FSTL5: variants seen among roughly 807,000 people sequenced by gnomAD.
The protein encoded by FSTL5 is follistatin like 5, also known as follistatin-related protein 5.
Under a neutral mutation model 89.1 loss-of-function variants are expected in FSTL5, and 62 were observed. That is an observed-to-expected ratio of 0.70 (90% confidence interval 0.57 to 0.86). The LOEUF (loss-of-function observed/expected upper bound fraction) is 0.86, where lower values mean the gene tolerates loss of function less well. Among genes scored for constraint, FSTL5 ranks in the 40% least tolerant of loss-of-function variants. The pLI is 0.00. For missense variants in FSTL5, 1,057 were observed against 1,001.6 expected, an observed-to-expected ratio of 1.06 and a Z score of -0.75; for synonymous variants, 383 against 346.2, an observed-to-expected ratio of 1.11 and a Z score of -1.18.
At chr4:161,392,326 C>T (rs1270854920) in intron 15 of FSTL5, among the ~76,000 whole-genome samples, 1 of 151,732 alleles carries the variant, frequency 6.6e-6, no homozygotes, top group Non-Finnish European at 1.5e-5. Flanking sequence ...CTCCTGGGCT[C>T]AAGGGAATCC....
At chr4:161,885,635 G>T (rs556143109) in intron 4 of FSTL5, among the ~76,000 whole-genome samples, 1 of 152,160 alleles carries the variant, frequency 6.6e-6, no homozygotes, top group South Asian at 2.1e-4. Context: ...TTTTAGTAGA[G>T]ACAGGGTTTC....
intron 1 of FSTL5, among the ~76,000 whole-genome samples, chr4:162,118,179 G>A (rs566946567): frequency 2.7e-4 from 41 of 152,240 alleles, no homozygotes; most frequent in African/African-American, 9.6e-4. Flanking sequence ...CATCTATTGA[G>A]ACACTTTAAC....
At chr4:161,690,134 A>C (rs1460221584) in intron 6 of FSTL5, among the ~76,000 whole-genome samples, 1 of 152,074 alleles carries the variant, frequency 6.6e-6, no homozygotes, top group Non-Finnish European at 1.5e-5. Context: ...AATTCTGTGG[A>C]GTAGAAGCCG....
intron 4 of FSTL5, among the ~76,000 whole-genome samples, chr4:161,880,708 A>G (rs1474199461): frequency 1.3e-5 from 2 of 152,184 alleles, no homozygotes; most frequent in Non-Finnish European, 2.9e-5. Flanking sequence ...ATACCACTCA[A>G]CAATGCAAAG....
chr4:161,927,621 C>G (rs1275507164), intron 3 of FSTL5, among the ~76,000 whole-genome samples: 1 of 151,436 alleles, frequency 6.6e-6, no homozygotes, highest in African/African-American at 2.4e-5. Flanking sequence ...AGTAAATTAT[C>G]TTTTTACAAT....
intron 15 of FSTL5, chr4:161,387,428 G>A (rs1042324179): frequency 3.3e-5 from 5 of 151,876 alleles, no homozygotes; most frequent in Non-Finnish European, 2.9e-5. Context: ...ACCTTATTAT[G>A]AGTATTAAGA....
chr4:161,513,272 G>GGGGGGAGAGAGAGAGAGA (rs1349844190), intron 10 of FSTL5, among the ~76,000 whole-genome samples: 4 of 110,026 alleles, frequency 3.6e-5, no homozygotes, highest in African/African-American at 1.4e-4. Flanking sequence ...ACAAGGAGGG[G>GGGGGGAGAGAGAGAGAGA]GAGAGAGAGA....
At chr4:161,892,258 ATTGGCTTCCCT>A (rs1288994708) in intron 4 of FSTL5, among the ~76,000 whole-genome samples, 5 of 151,938 alleles carry the variant, frequency 3.3e-5, no homozygotes, top group African/African-American at 7.2e-5. Context: ...GCCTGCTTTC[ATTGGCTTCCCT>A]TCTTAGTGAC....
At position 161,759,434 on chromosome 4, in the gene FSTL5, A is replaced by G. The variant is rs1376571468; in HGVS notation, c.704T>C (p.Leu235Pro). 1 of 1,592,808 alleles carries G rather than the reference A, an allele frequency of 6.3e-7. No homozygotes were observed. The highest frequency in any genetic ancestry group is 2.3e-5 in the East Asian group (1 of 43,112). The change falls in exon 6 of 16, where the codon CTT becomes CCT. Residue 235 changes from leucine to proline, a missense_variant. By Grantham distance (98) the Leu-to-Pro change is moderately conservative. This residue lies in a region of FSTL5 where 980 missense variants were observed against 903.2 expected (regional missense o/e 1.08). Transcript: ENST00000306100. ...ACGGAATGCTCTATAAAATTCTTCA[A>G]GAGCCAGGTGCTTGTCAGCATTAAA... ...DDFNADKHLA[L>P]EEFYRAFQVI...
intron 4 of FSTL5, among the ~76,000 whole-genome samples, chr4:161,833,926 G>T (rs1020753298): frequency 6.6e-6 from 1 of 152,098 alleles, no homozygotes; most frequent in Non-Finnish European, 1.5e-5. Flanking sequence ...CTGTCATTAT[G>T]ATGTTAGCTG....
At chr4:162,123,999 T>C (rs1481925737) in intron 1 of FSTL5, among the ~76,000 whole-genome samples, 1 of 152,172 alleles carries the variant, frequency 6.6e-6, no homozygotes, top group East Asian at 1.9e-4. Context: ...AAATTCTTGA[T>C]AATCTGTCAA....
At chr4:161,506,625 T>G (rs1012987808) in intron 11 of FSTL5, among the ~76,000 whole-genome samples, 4 of 152,098 alleles carry the variant, frequency 2.6e-5, no homozygotes, top group African/African-American at 9.7e-5. Flanking sequence ...GAAGCTGTAT[T>G]TTCGTCTGTA....
intron 6 of FSTL5, among the ~76,000 whole-genome samples, chr4:161,749,877 G>C (rs1432999570): frequency 6.6e-6 from 1 of 151,812 alleles, no homozygotes; most frequent in Non-Finnish European, 1.5e-5. Context: ...GGTGTGAGGG[G>C]AGTGAGAGTT....
intron 4 of FSTL5, among the ~76,000 whole-genome samples, chr4:161,886,497 T>C (rs1732812170): frequency 6.6e-6 from 1 of 152,186 alleles, no homozygotes; most frequent in Non-Finnish European, 1.5e-5. Flanking sequence ...TGGAAAGAGC[T>C]CTACATTAGA....
chr4:161,863,955 T>A (rs746741796), intron 4 of FSTL5, among the ~76,000 whole-genome samples: 52 of 152,330 alleles, frequency 3.4e-4, no homozygotes, highest in South Asian at 1.0e-3. Context: ...TTTGTTCTTG[T>A]CATTGTCTAT....
At chr4:161,813,667 T>A (rs1730235453) in intron 4 of FSTL5, among the ~76,000 whole-genome samples, 1 of 152,190 alleles carries the variant, frequency 6.6e-6, no homozygotes, top group Non-Finnish European at 1.5e-5. Flanking sequence ...CTCTAGAAAT[T>A]GACTTCTTTG....
At chr4:161,418,009 A>T (rs1309080158) in intron 15 of FSTL5, among the ~76,000 whole-genome samples, 6 of 152,178 alleles carry the variant, frequency 3.9e-5, no homozygotes, top group Non-Finnish European at 4.4e-5. Flanking sequence ...TGAGAAAAAA[A>T]ATCAATTCCC....
intron 15 of FSTL5, among the ~76,000 whole-genome samples, chr4:161,401,868 C>G (rs1560876868): frequency 6.6e-6 from 1 of 152,106 alleles, no homozygotes; most frequent in Non-Finnish European, 1.5e-5. Flanking sequence ...AAATTGGTTG[C>G]AGTTCACTTG....
chr4:162,106,478 C>A (rs1329234561), intron 2 of FSTL5, among the ~76,000 whole-genome samples: 1 of 152,102 alleles, frequency 6.6e-6, no homozygotes, highest in Admixed American at 6.6e-5. Flanking sequence ...AGGATTTAAC[C>A]AGCAACCAAT....
Sources: gnomAD v4.1 joint callset for allele counts (sites outside exome capture counted in the v4.1 genomes callset) on GRCh38, gnomAD v4.1.1 for gene constraint, gnomAD v4.1.1 regional missense constraint, MANE v1.5 for transcripts, NCBI Gene and HGNC (gene_info 2026-07-23, HGNC 2026-07-21) for gene names.